The following STARD13 variants were observed in gnomAD, a reference collection of about 807,000 sequenced individuals.
STARD13 encodes the protein stAR-related lipid transfer protein 13.
A neutral mutation model predicts 106.4 loss-of-function variants in STARD13; 62 were observed. The observed-to-expected ratio is 0.58, with a 90% CI of 0.48 to 0.72. The LOEUF (loss-of-function observed/expected upper bound fraction) is 0.72. Among genes scored for constraint, STARD13 ranks in the 30% least tolerant of loss-of-function variants. The pLI is 0.00. For missense variants in STARD13, 1,387 were observed against 1,424.0 expected, an observed-to-expected ratio of 0.97 and a Z score of 0.42; for synonymous variants, 565 against 553.0, an observed-to-expected ratio of 1.02 and a Z score of -0.31.
chr13:33,390,821 A>T, the STARD13 span, among the ~76,000 whole-genome samples: 1 of 152,176 alleles, frequency 6.6e-6, no homozygotes, highest in South Asian at 2.1e-4. Context: ...CTGGGCCAGA[A>T]GGAGAACTAC....
chr13:33,475,637 A>T, the STARD13 span, among the ~76,000 whole-genome samples: 1 of 152,210 alleles, frequency 6.6e-6, no homozygotes, highest in Non-Finnish European at 1.5e-5. Flanking sequence ...CATAAATCAT[A>T]CATTGTTTAT....
the STARD13 span, among the ~76,000 whole-genome samples, chr13:33,578,695 A>C: frequency 1.3e-5 from 2 of 152,272 alleles, no homozygotes; most frequent in Non-Finnish European, 2.9e-5. Flanking sequence ...AAAAGAAATA[A>C]TCATCAGAGT....
chr13:33,521,408 TGA>T, the STARD13 span, among the ~76,000 whole-genome samples: 10 of 152,082 alleles, frequency 6.6e-5, no homozygotes, highest in Non-Finnish European at 1.3e-4. Flanking sequence ...AGAAGTGAGT[TGA>T]CTCTTTAGAA....
chr13:33,140,037 G>A (rs1032140819), intron 4 of STARD13, among the ~76,000 whole-genome samples: 8 of 152,218 alleles, frequency 5.3e-5, no homozygotes, highest in Middle Eastern at 3.2e-3. Context: ...CTTTAAGGGC[G>A]TGTGCCACTA....
chr13:33,433,402 C>T, the STARD13 span, among the ~76,000 whole-genome samples: 1 of 152,164 alleles, frequency 6.6e-6, no homozygotes, highest in Non-Finnish European at 1.5e-5. Flanking sequence ...GAAGCAACAA[C>T]AGCAACAATC....
At chr13:33,608,748 A>G in the STARD13 span, among the ~76,000 whole-genome samples, 3 of 152,340 alleles carry the variant, frequency 2.0e-5, no homozygotes, top group East Asian at 5.8e-4. Context: ...AGAAAGTCTT[A>G]GAGTGAAGCA....
intron 1 of STARD13, among the ~76,000 whole-genome samples, chr13:33,197,185 G>C (rs1279883296): frequency 2.0e-5 from 3 of 152,194 alleles, no homozygotes; most frequent in Non-Finnish European, 2.9e-5. Flanking sequence ...GCTATGGGAA[G>C]CTCAAGCCTT....
intron 1 of STARD13, among the ~76,000 whole-genome samples, chr13:33,187,574 A>T (rs989867759): frequency 6.6e-6 from 1 of 152,208 alleles, no homozygotes; most frequent in Non-Finnish European, 1.5e-5. Context: ...CATTCATTAA[A>T]TGTAGTGCAT....
At chr13:33,380,830 G>T in the STARD13 span, among the ~76,000 whole-genome samples, 1 of 152,158 alleles carries the variant, frequency 6.6e-6, no homozygotes. Context: ...GTGGGGAAGG[G>T]GGGTGTGTTC....
the STARD13 span, among the ~76,000 whole-genome samples, chr13:33,442,592 A>G: frequency 6.6e-6 from 1 of 152,236 alleles, no homozygotes; most frequent in Non-Finnish European, 1.5e-5. Context: ...TCATGATGAG[A>G]TAAAAGGAGA....
the STARD13 span, among the ~76,000 whole-genome samples, chr13:33,370,704 C>T: frequency 2.1e-4 from 32 of 150,834 alleles, no homozygotes; most frequent in Non-Finnish European, 3.8e-4. Context: ...CTGCAACCTC[C>T]GCCTCCCAGG....
intron 1 of STARD13, among the ~76,000 whole-genome samples, chr13:33,214,577 C>A (rs75238476): frequency 0.024 from 3,594 of 152,216 alleles, 70 homozygotes; most frequent in Non-Finnish European, 0.037. Context: ...TCTGCCAGCT[C>A]CACAACCTTT....
chr13:33,270,227 C>T (rs1289461520), intron 1 of STARD13, among the ~76,000 whole-genome samples: 4 of 152,102 alleles, frequency 2.6e-5, no homozygotes, highest in Non-Finnish European at 1.5e-5. Context: ...CAGAGTGAGA[C>T]TCGGCCTAAA....
the STARD13 span, among the ~76,000 whole-genome samples, chr13:33,490,467 A>C: frequency 0.015 from 2,296 of 152,318 alleles, 52 homozygotes; most frequent in African/African-American, 0.049. Flanking sequence ...GGAGGCAAGC[A>C]GACCGACAGT....
At chr13:33,117,939 C>A in intron 8 of STARD13, 126 bp downstream of exon 8, 1 of 1,487,614 alleles carries the variant, frequency 6.7e-7, no homozygotes, top group East Asian at 2.4e-5. Context: ...TAGAGGAGAG[C>A]AGGATTACAT....
chr13:33,447,260 C>G, the STARD13 span, among the ~76,000 whole-genome samples: 1 of 152,214 alleles, frequency 6.6e-6, no homozygotes. Flanking sequence ...GTGCCCTAGG[C>G]AAATACTTAC....
the STARD13 span, among the ~76,000 whole-genome samples, chr13:33,468,510 T>C: frequency 1.3e-5 from 2 of 152,104 alleles, no homozygotes; most frequent in Non-Finnish European, 2.9e-5. Context: ...ATTATCATGG[T>C]AGTGTGTTTG....
intron 1 of STARD13, among the ~76,000 whole-genome samples, chr13:33,320,308 C>T (rs1383642928): frequency 6.6e-6 from 1 of 152,172 alleles, no homozygotes; most frequent in Non-Finnish European, 1.5e-5. Context: ...AACTCTAGGG[C>T]CCTTTTCTTC....
rs1877737961 is a variant in STARD13, at chr13:33,129,169, C to T, written c.1508G>A (p.Trp503Ter). 6.2e-7 allele frequency: 1 copy of T among 1,614,098 alleles called. No homozygotes were observed. The highest frequency in any genetic ancestry group is 8.5e-7 in the Non-Finnish European group (1 of 1,180,044). Residue 503 changes from tryptophan to a stop codon, truncating the protein, a stop_gained, in exon 5 of 14, where the codon TGG (tryptophan) becomes TAG (stop). Coordinates refer to ENST00000336934, the MANE Select transcript of STARD13 (RefSeq NM_178006.4). LOFTEE classifies it high-confidence loss of function. ...CAGTTCAGGCAAGACATCTTTGGAC[C>T]AGTCATCGACTACCTCTTGGAGCCC... is the stretch of plus-strand genomic sequence containing the variant. Reference protein sequence around the residue: ...VNGLQEVVDDWSKDVLPELQT... With the variant: ...VNGLQEVVDD
Sources: allele counts gnomAD v4.1 joint callset (sites outside exome capture counted in the v4.1 genomes callset), GRCh38; gene constraint gnomAD v4.1.1; transcripts MANE v1.5; gene names NCBI Gene and HGNC (gene_info 2026-07-23, HGNC 2026-07-21).